Variants in CCND2 observed in about 807,000 individuals in gnomAD.
The protein encoded by CCND2 is G1/S-specific cyclin-D2.
In CCND2, 6 loss-of-function variants were observed where a neutral mutation model predicts 30.2. That is an observed-to-expected ratio of 0.20 (90% CI 0.11 to 0.39). CCND2 has a LOEUF of 0.39. CCND2 is among the 10% of genes least tolerant of loss of function. The pLI is 1.00. For synonymous variants in CCND2, 150 were observed against 153.1 expected (o/e 0.98, Z 0.15); for missense variants, 235 against 373.4 (o/e 0.63, Z 3.06).
Position 4,273,951 on chromosome 12 carries a change from C to G in CCND2, c.-90C>G, listed in dbSNP as rs941828491. 15 of 1,276,192 alleles carry G rather than the reference C, an allele frequency of 1.2e-5. No homozygotes were observed. The highest frequency in any genetic ancestry group is 7.5e-5 in the African/African-American group (5 of 67,070). 79.1% of individuals were successfully genotyped at this position (1,276,192 alleles called of 1,614,324 possible). A position where few individuals can be genotyped will look rare whatever the true frequency, so the allele number is the denominator to read the frequency against. ...AGCCAAAGGAAGGAGGTCAGGGGAACGCTCTCCCCTCCCCTTCCAAAAAAC... is the reference window on the plus strand; with the variant it reads ...AGCCAAAGGAAGGAGGTCAGGGGAAGGCTCTCCCCTCCCCTTCCAAAAAAC... On this transcript the variant is annotated 5_prime_UTR_variant, in exon 1 of 5. Coordinates refer to ENST00000261254, the MANE Select transcript of CCND2 (RefSeq NM_001759.4). The surrounding 1 kb of genome is among the most constrained non-coding windows in gnomAD (Gnocchi z 5.9).
chr12:4,288,814 C>G (rs1864058159), intron 3 of CCND2, 28 bp from the exon 4 acceptor site: 3 of 1,596,996 alleles, frequency 1.9e-6, no homozygotes, highest in East Asian at 4.5e-5. Context: ...GTTCTGTGCC[C>G]TGACCTTCTG....
At position 4,303,468 on chromosome 12, in the gene CCND2, T is replaced by C. The variant is rs1864278091; in HGVS notation, c.*3459T>C. ...CCACTAAAGGGGTTCCAAATTATCC[T>C]GGTCTTTTTCTACCTTGTTGTGTTT... On this transcript the variant is annotated 3_prime_UTR_variant, in exon 5 of 5. Transcript: ENST00000261254. This position sits in a 1 kb window ranked among gnomAD's most constrained non-coding sequence, Gnocchi z 4.6. 8.6e-6 allele frequency: 2 copies of C among 233,574 alleles called. No individual in the cohort carries two copies. Among genetic ancestry groups the C allele is most frequent in the African/African-American group, 4.4e-5 (2 of 45,368 alleles). The allele number at this position is 233,574 out of a possible 1,614,324, so 14.5% of individuals were successfully genotyped here. A position where few individuals can be genotyped will look rare whatever the true frequency, so the allele number is the denominator to read the frequency against.
intron 4 of CCND2, among the ~76,000 whole-genome samples, chr12:4,294,989 C>T (rs924567249): frequency 6.6e-6 from 1 of 152,188 alleles, no homozygotes; most frequent in Non-Finnish European, 1.5e-5. Context: ...TTGGGCAAGA[C>T]CCGGGCGATG....
rs1864256216 is a variant in CCND2, at chr12:4,301,943, G to GT, written c.*1934_*1935insT. ...TTTTTTTTTTCTTTTTTGGTTTTTTGGTTTTTTTTTTTTCCTCTGATCACA... is the reference window on the plus strand; with the variant it reads ...TTTTTTTTTTCTTTTTTGGTTTTTTGTGTTTTTTTTTTTTCCTCTGATCACA... On this transcript the variant is annotated 3_prime_UTR_variant, in exon 5 of 5. Coordinates refer to ENST00000261254, the MANE Select transcript of CCND2 (RefSeq NM_001759.4). The GT allele has an allele frequency of 3.7e-5, 8 of 218,430 alleles. No individual in the cohort carries two copies. Among genetic ancestry groups the GT allele is most frequent in the African/African-American group, 1.6e-4 (7 of 42,834 alleles). The allele number at this position is 218,430 out of a possible 1,614,324, so 13.5% of individuals were successfully genotyped here.
chr12:4,284,728 TTTTTCTTTTC>T (rs1331807209), intron 3 of CCND2, among the ~76,000 whole-genome samples: 1 of 146,706 alleles, frequency 6.8e-6, no homozygotes, highest in African/African-American at 2.6e-5. Context: ...TTTCTTTTTT[TTTTTCTTTTC>T]TTTTTCTTTT....
chr12:4,278,658 G>A (rs923371534), intron 2 of CCND2, 102 bp from the exon 3 acceptor site: 2 of 1,131,240 alleles, frequency 1.8e-6, no homozygotes, highest in African/African-American at 3.1e-5. Context: ...ACGTCCTAAT[G>A]AGCGGCCTTA....
chr12:4,291,244 T>G lies in CCND2; in HGVS notation c.720+2254T>G, dbSNP rs144106429. ...GTGTGTGTGTGTGTGTTTATGCACCTTTCCAAGTGCTAAATCTCCTCCCAT... is the reference window on the plus strand; with the variant it reads ...GTGTGTGTGTGTGTGTTTATGCACCGTTCCAAGTGCTAAATCTCCTCCCAT... On this transcript the variant is annotated intron_variant, in intron 4 of 4. Transcript: ENST00000261254. Among the ~76,000 whole-genome samples the G allele has an allele frequency of 4.1e-3, 623 of 152,044 alleles. 2 individuals are homozygous for G. The highest frequency in any genetic ancestry group is 0.014 in the African/African-American group (597 of 41,468).
chr12:4,294,009 C>T (rs960289047), intron 4 of CCND2, among the ~76,000 whole-genome samples: 1 of 152,152 alleles, frequency 6.6e-6, no homozygotes, highest in Non-Finnish European at 1.5e-5. Flanking sequence ...GAGATAGTTT[C>T]CTAAGTTGTC....
At chr12:4,296,485 A>G (rs1864170539) in intron 4 of CCND2, among the ~76,000 whole-genome samples, 1 of 152,286 alleles carries the variant, frequency 6.6e-6, no homozygotes, top group Admixed American at 6.5e-5. Context: ...GTAATGGTTC[A>G]GAGCTATTGT....
chr12:4,273,918 C>CTT lies in CCND2; in HGVS notation c.-123_-122insTT. ...TGCCCTCACCTCTCCCCCGAAAACCCCCTATTTAGCCAAAGGAAGGAGGTC... is the reference window on the plus strand; with the variant it reads ...TGCCCTCACCTCTCCCCCGAAAACCCTTCCTATTTAGCCAAAGGAAGGAGGTC... On this transcript the variant is annotated 5_prime_UTR_variant, in exon 1 of 5. Transcript: ENST00000261254. The surrounding 1 kb of genome is among the most constrained non-coding windows in gnomAD (Gnocchi z 5.9). 2.1e-6 allele frequency: 2 copies of CTT among 932,208 alleles called. No individual in the cohort carries two copies. The highest frequency in any genetic ancestry group is 3.2e-6 in the Non-Finnish European group (2 of 633,768). 57.7% of individuals were successfully genotyped at this position (932,208 alleles called of 1,614,324 possible).
Position 4,287,650 on chromosome 12 carries a change from C to G in CCND2, c.572-1192C>G, listed in dbSNP as rs955587431. 1.1e-4 allele frequency among the ~76,000 whole-genome samples: 17 copies of G among 152,218 alleles called. No homozygotes were observed. Among genetic ancestry groups the G allele is most frequent in the African/African-American group, 4.1e-4 (17 of 41,454 alleles). On this transcript the variant is annotated intron_variant, in intron 3 of 4. Transcript: ENST00000261254. This position sits in a 1 kb window ranked among gnomAD's most constrained non-coding sequence, Gnocchi z 4.0. Reference sequence around the variant, plus strand: ...AGGGGCAACTTAAACTCTCAAAAGTCTCAGGGTTCTCACCCATACCATTAG... The same window carrying G: ...AGGGGCAACTTAAACTCTCAAAAGTGTCAGGGTTCTCACCCATACCATTAG...
Position 4,278,843 on chromosome 12 carries a change from C to A in CCND2, c.495C>A (p.Arg165=), listed in dbSNP as rs1351515736. 1 of 1,614,220 alleles carries A rather than the reference C, an allele frequency of 6.2e-7. No individual in the cohort carries two copies. The highest frequency in any genetic ancestry group is 1.3e-5 in the African/African-American group (1 of 75,070). The change falls in exon 3 of 5, where the codon CGC becomes CGA. Residue 165 remains arginine, a synonymous_variant. Transcript: ENST00000261254. ...ATGACTTCATTGAGCACATCTTGCG[C>A]AAGCTGCCCCAGCAGCGGGAGAAGC... The part of the protein sequence containing the change: ...TPHDFIEHIL[R]KLPQQREKLS...
At position 4,300,592 on chromosome 12, in the gene CCND2, G is replaced by A. The variant is rs941581175; in HGVS notation, c.*583G>A. 2 of 233,976 alleles carry A rather than the reference G, an allele frequency of 8.5e-6. No homozygotes were observed. Among genetic ancestry groups the A allele is most frequent in the Non-Finnish European group, 1.7e-5 (2 of 118,252 alleles). The allele number at this position is 233,976 out of a possible 1,614,324, so 14.5% of individuals were successfully genotyped here. A position where few individuals can be genotyped will look rare whatever the true frequency, so the allele number is the denominator to read the frequency against. ...CTGTTACTAAGTCAGGAGTGTAGTTGGATCTCTACATTAATGTCCTCTTGC... is the reference window on the plus strand; with the variant it reads ...CTGTTACTAAGTCAGGAGTGTAGTTAGATCTCTACATTAATGTCCTCTTGC... On this transcript the variant is annotated 3_prime_UTR_variant, in exon 5 of 5. Coordinates refer to ENST00000261254, the MANE Select transcript of CCND2 (RefSeq NM_001759.4).
At chr12:4,286,525 C>T (rs1298402903) in intron 3 of CCND2, among the ~76,000 whole-genome samples, 2 of 152,200 alleles carry the variant, frequency 1.3e-5, no homozygotes, top group African/African-American at 2.4e-5. Flanking sequence ...CCGCCGTCCT[C>T]GTCTCCAGCG....
intron 3 of CCND2, among the ~76,000 whole-genome samples, chr12:4,281,017 A>G (rs962412719): frequency 2.0e-5 from 3 of 152,196 alleles, no homozygotes; most frequent in Non-Finnish European, 2.9e-5. Context: ...GGAGCCTGGG[A>G]TTCAGAGACT....
chr12:4,291,721 A>C (rs1427750067), intron 4 of CCND2, among the ~76,000 whole-genome samples: 2 of 152,222 alleles, frequency 1.3e-5, no homozygotes, highest in Non-Finnish European at 2.9e-5. Flanking sequence ...AACTGTTCTT[A>C]GAGTAGAGAA....
chr12:4,292,561 G>A (rs1864115243), intron 4 of CCND2, among the ~76,000 whole-genome samples: 1 of 152,156 alleles, frequency 6.6e-6, no homozygotes, highest in South Asian at 2.1e-4. Flanking sequence ...AGGGACGCAT[G>A]CGGCTCTGAG....
chr12:4,303,493 T>C lies in CCND2; in HGVS notation c.*3484T>C, dbSNP rs767635730. 15 of 233,596 alleles carry C rather than the reference T, an allele frequency of 6.4e-5. No individual in the cohort carries two copies. The highest frequency in any genetic ancestry group is 3.3e-4 in the African/African-American group (15 of 45,348). The allele number at this position is 233,596 out of a possible 1,614,324, so 14.5% of individuals were successfully genotyped here. A position where few individuals can be genotyped will look rare whatever the true frequency, so the allele number is the denominator to read the frequency against. The stretch of plus-strand genomic sequence containing the variant: ...TGGTCTTTTTCTACCTTGTTGTGTT[T>C]CTATCTCGTCTTTACTTCCATCTGT... On this transcript the variant is annotated 3_prime_UTR_variant, in exon 5 of 5. Transcript: ENST00000261254. This position sits in a 1 kb window ranked among gnomAD's most constrained non-coding sequence, Gnocchi z 4.6.
At chr12:4,290,096 A>T (rs1486312021) in intron 4 of CCND2, among the ~76,000 whole-genome samples, 3 of 152,076 alleles carry the variant, frequency 2.0e-5, no homozygotes, top group African/African-American at 7.2e-5. Context: ...GAGTTAAGGG[A>T]TCATGTGGTT....
Sources: gnomAD v4.1 joint callset for allele counts (sites outside exome capture counted in the v4.1 genomes callset) on GRCh38, gnomAD v4.1.1 for gene constraint, Gnocchi (gnomAD v3.1) non-coding constraint, MANE v1.5 for transcripts, NCBI Gene and HGNC (gene_info 2026-07-23, HGNC 2026-07-21) for gene names.